Variants in MINDY4 observed in about 807,000 individuals in gnomAD.
MINDY4 encodes the protein probable ubiquitin carboxyl-terminal hydrolase MINDY-4.
A neutral mutation model predicts 87.0 loss-of-function variants in MINDY4; 68 were observed. That is an observed-to-expected ratio of 0.78 (90% confidence interval 0.64 to 0.96). The LOEUF (loss-of-function observed/expected upper bound fraction) is 0.96, where lower values mean the gene tolerates loss of function less well. Ranked by LOEUF, MINDY4 falls within the 40% of genes least tolerant of loss-of-function variation. MINDY4 has a pLI of 0.00. For missense variants in MINDY4, 919 were observed against 928.2 expected, an observed-to-expected ratio of 0.99 and a Z score of 0.13; for synonymous variants, 379 against 363.2, an observed-to-expected ratio of 1.04 and a Z score of -0.50.
chr7:30,794,880 G>A (rs1456865181), intron 5 of MINDY4, among the ~76,000 whole-genome samples: 1 of 152,104 alleles, frequency 6.6e-6, no homozygotes. Context: ...GCTGTGTTGC[G>A]GGCGGGGGCC....
rs936342683 is a variant in MINDY4, at chr7:30,875,153, A to G, written c.1810-342A>G. On this transcript the variant is annotated intron_variant, in intron 14 of 17. Coordinates refer to ENST00000265299, the MANE Select transcript of MINDY4 (RefSeq NM_032222.3). The stretch of plus-strand genomic sequence containing the variant: ...AATGTGCAGACATGCACCTGACTCC[A>G]CAGTCTAGACCCAAAGCACATGTCA... Among the ~76,000 whole-genome samples, 5 of 152,136 alleles carry G rather than the reference A, an allele frequency of 3.3e-5. No homozygotes were observed. In the South Asian group the frequency reaches 6.2e-4, roughly 19 times the overall value.
chr7:30,882,970 C>T lies in MINDY4; in HGVS notation c.2202C>T (p.Pro734=), dbSNP rs747807179. Residue 734 remains proline, a synonymous_variant, in exon 17 of 18, where the codon CCC becomes CCT. Transcript: ENST00000265299. ...ACACAGACAACGACCTTGTCCCACCCCTCGAGCTCTGCATCAGAACCAAGT... is the reference window on the plus strand; with the variant it reads ...ACACAGACAACGACCTTGTCCCACCTCTCGAGCTCTGCATCAGAACCAAGT... ...SEDTDNDLVP[P]LELCIRTKWK... The T allele has an allele frequency of 1.6e-4, 262 of 1,613,988 alleles. No homozygotes were observed. Among genetic ancestry groups the T allele is most frequent in the Non-Finnish European group, 2.1e-4 (251 of 1,179,996 alleles).
chr7:30,864,329 A>G (rs1584332845), intron 13 of MINDY4, among the ~76,000 whole-genome samples: 1 of 152,238 alleles, frequency 6.6e-6, no homozygotes, highest in Non-Finnish European at 1.5e-5. Flanking sequence ...CTTTGTGCAA[A>G]TAGTCCTGAA....
At chr7:30,859,988 A>C (rs1292268884) in intron 13 of MINDY4, among the ~76,000 whole-genome samples, 1 of 152,166 alleles carries the variant, frequency 6.6e-6, no homozygotes, top group Non-Finnish European at 1.5e-5. Flanking sequence ...TCACCTGGGC[A>C]TGTCACCAGG....
intron 7 of MINDY4, among the ~76,000 whole-genome samples, 163 bp downstream of exon 7, chr7:30,836,927 G>A (rs764382825): frequency 2.0e-5 from 3 of 152,122 alleles, no homozygotes; most frequent in Non-Finnish European, 4.4e-5. Flanking sequence ...CCGAGAGTCA[G>A]GAAAACTGCA....
chr7:30,885,310 G>A (rs1362381197), intron 17 of MINDY4, among the ~76,000 whole-genome samples: 1 of 152,056 alleles, frequency 6.6e-6, no homozygotes, highest in African/African-American at 2.4e-5. Context: ...ACCTGAGGTC[G>A]GGAGTTTGAG....
chr7:30,892,140 C>T lies in MINDY4; in HGVS notation c.*135C>T. 1.1e-6 allele frequency: 1 copy of T among 877,092 alleles called. No individual in the cohort carries two copies. The highest frequency in any genetic ancestry group is 2.5e-5 in the East Asian group (1 of 40,300). 54.3% of individuals were successfully genotyped at this position (877,092 alleles called of 1,614,324 possible). A position where few individuals can be genotyped will look rare whatever the true frequency, so the allele number is the denominator to read the frequency against. ...AGCATGACTGCAGAAGCATCCAGAG[C>T]CTCCCTGCCCCTTCCATGAAGGGCC... is the stretch of plus-strand genomic sequence containing the variant. On this transcript the variant is annotated 3_prime_UTR_variant, in exon 18 of 18. Transcript: ENST00000265299.
At chr7:30,792,096 C>T (rs1461184381) in intron 5 of MINDY4, among the ~76,000 whole-genome samples, 3 of 152,108 alleles carry the variant, frequency 2.0e-5, no homozygotes, top group Non-Finnish European at 4.4e-5. Context: ...GAATCAGCTC[C>T]CACAAGGCTC....
chr7:30,785,875 A>G lies in MINDY4; in HGVS notation c.546A>G (p.Ile182Met), dbSNP rs373216241. ...TGTTGACTTCTGCATGGGAGAAGAT[A>G]GACAAGCTTCACTCGGAGCCTTCCT... ...TPVLTSAWEKIDKLHSEPSLD... is the reference protein window; with the variant it reads ...TPVLTSAWEKMDKLHSEPSLD... Residue 182 changes from isoleucine (I) to methionine (M), a missense_variant, in exon 4 of 18, where the codon ATA (isoleucine) becomes ATG (methionine). Coordinates refer to ENST00000265299, the MANE Select transcript of MINDY4 (RefSeq NM_032222.3). 2 of 1,614,254 alleles carry G rather than the reference A, an allele frequency of 1.2e-6. No homozygotes were observed. The highest frequency in any genetic ancestry group is 1.7e-6 in the Non-Finnish European group (2 of 1,180,050).
chr7:30,885,706 A>G (rs866146164), intron 17 of MINDY4, among the ~76,000 whole-genome samples: 2 of 123,960 alleles, frequency 1.6e-5, no homozygotes, highest in African/African-American at 3.1e-5. Context: ...GGCAGTGCCC[A>G]CCCCCCCCCC....
intron 17 of MINDY4, among the ~76,000 whole-genome samples, chr7:30,890,981 C>T (rs931156821): frequency 1.3e-5 from 2 of 152,068 alleles, no homozygotes; most frequent in African/African-American, 4.8e-5. Context: ...AAAAGCTTCC[C>T]CTTTTTCTTC....
chr7:30,888,677 A>G (rs1342302598), intron 17 of MINDY4, among the ~76,000 whole-genome samples: 1 of 152,210 alleles, frequency 6.6e-6, no homozygotes. Context: ...CCCCTACACT[A>G]GCACAACATG....
intron 7 of MINDY4, 47 bp from the exon 8 acceptor site, chr7:30,839,153 T>C: frequency 7.6e-7 from 1 of 1,307,700 alleles, no homozygotes; most frequent in Non-Finnish European, 1.1e-6. Context: ...CATCGTATTG[T>C]TGCTTGCTTT....
chr7:30,841,944 C>T (rs1289568684), intron 9 of MINDY4, among the ~76,000 whole-genome samples: 1 of 152,146 alleles, frequency 6.6e-6, no homozygotes, highest in Non-Finnish European at 1.5e-5. Context: ...AGGTGTTACC[C>T]AGACAACAAG....
At chr7:30,776,446 A>G (rs1786817026) in intron 1 of MINDY4, among the ~76,000 whole-genome samples, 2 of 152,166 alleles carry the variant, frequency 1.3e-5, no homozygotes, top group Non-Finnish European at 2.9e-5. Context: ...GTAGCAGCGC[A>G]TCCCCACACC....
At chr7:30,809,903 C>T (rs141424907) in intron 5 of MINDY4, among the ~76,000 whole-genome samples, 5,634 of 151,992 alleles carry the variant, frequency 0.037, 175 homozygotes, top group Non-Finnish European at 0.055. Context: ...TTAGGCCGGG[C>T]GCAGTGGCTC....
intron 17 of MINDY4, among the ~76,000 whole-genome samples, chr7:30,890,598 A>G (rs1405215217): frequency 6.6e-6 from 1 of 152,256 alleles, no homozygotes; most frequent in African/African-American, 2.4e-5. Context: ...CTTTACAGAT[A>G]CCAAGAGGGA....
chr7:30,771,985 G>T (rs1440663786), intron 1 of MINDY4, among the ~76,000 whole-genome samples: 1 of 152,268 alleles, frequency 6.6e-6, no homozygotes, highest in Non-Finnish European at 1.5e-5. Context: ...AACCCCAAAA[G>T]CCCAGAAAAG....
chr7:30,882,881 G>A, intron 16 of MINDY4, 40 bp from the exon 17 acceptor site: 1 of 1,597,598 alleles, frequency 6.3e-7, no homozygotes. Context: ...TGAGTGCAGG[G>A]CCCTGGGTGA....
Sources: gnomAD v4.1 joint callset for allele counts (sites outside exome capture counted in the v4.1 genomes callset) on GRCh38, gnomAD v4.1.1 for gene constraint, MANE v1.5 for transcripts, NCBI Gene and HGNC (gene_info 2026-07-23, HGNC 2026-07-21) for gene names.